NICOL1: variants seen among roughly 807,000 people sequenced by gnomAD.
NICOL1 encodes the protein NELL2 interacting cell ontogeny regulator 1.
the NICOL1 span, among the ~76,000 whole-genome samples, chr4:2,036,726 A>G: frequency 6.6e-6 from 1 of 152,160 alleles, no homozygotes; most frequent in Non-Finnish European, 1.5e-5. Context: ...GAGTCATGAA[A>G]TAAGAATATA....
At chr4:2,042,842 G>A in the NICOL1 span, 3 of 1,472,008 alleles carry the variant, frequency 2.0e-6, no homozygotes, top group Non-Finnish European at 2.7e-6. Context: ...CCCGCGGCGC[G>A]ACGGTCCTCC....
At chr4:2,042,812 C>T in the NICOL1 span, 30 of 1,497,810 alleles carry the variant, frequency 2.0e-5, no homozygotes, top group Non-Finnish European at 2.7e-5. Context: ...CAGCCTGCAG[C>T]CTGGACGCGC....
At chr4:2,038,103 G>T in the NICOL1 span, among the ~76,000 whole-genome samples, 1 of 150,242 alleles carries the variant, frequency 6.7e-6, no homozygotes, top group Non-Finnish European at 1.5e-5. Context: ...CCAAACATAT[G>T]GAAGTTTTCA....
At chr4:2,041,876 C>A in the NICOL1 span, 6 of 1,125,736 alleles carry the variant, frequency 5.3e-6, no homozygotes, top group African/African-American at 1.6e-5. Flanking sequence ...CCGGCCAGGG[C>A]CAGGCACACC....
At chr4:2,039,706 G>A in the NICOL1 span, among the ~76,000 whole-genome samples, 2 of 152,052 alleles carry the variant, frequency 1.3e-5, no homozygotes, top group Non-Finnish European at 2.9e-5. Flanking sequence ...CGGGTGTGGT[G>A]GCACGCACCT....
the NICOL1 span, among the ~76,000 whole-genome samples, chr4:2,041,042 G>C: frequency 6.6e-6 from 1 of 151,918 alleles, no homozygotes; most frequent in African/African-American, 2.4e-5. Context: ...CACGGCGAGC[G>C]GGGCGGCCTC....
chr4:2,042,543 G>C, the NICOL1 span: 2 of 454,682 alleles, frequency 4.4e-6, no homozygotes, highest in Non-Finnish European at 7.8e-6. Flanking sequence ...GGGGCGTGCG[G>C]GGCCGGGGCT....
the NICOL1 span, chr4:2,041,954 G>T: frequency 6.9e-7 from 1 of 1,452,760 alleles, no homozygotes. Context: ...CCATGACGAC[G>T]ACGTCGGATG....
At chr4:2,040,532 C>G in the NICOL1 span, among the ~76,000 whole-genome samples, 1 of 152,228 alleles carries the variant, frequency 6.6e-6, no homozygotes, top group African/African-American at 2.4e-5. Flanking sequence ...CTCCGCGGCC[C>G]CGGCAACAGC....
the NICOL1 span, among the ~76,000 whole-genome samples, chr4:2,039,320 A>G: frequency 6.6e-6 from 1 of 152,090 alleles, no homozygotes. Context: ...AGGCTGAGGC[A>G]GGAGAATCGC....
the NICOL1 span, chr4:2,042,515 G>A: frequency 9.6e-6 from 4 of 416,276 alleles, no homozygotes; most frequent in East Asian, 1.1e-4. Context: ...TCCGGGGAGC[G>A]GGGCGGGGCT....
the NICOL1 span, among the ~76,000 whole-genome samples, chr4:2,040,701 C>T: frequency 6.6e-6 from 1 of 152,212 alleles, no homozygotes; most frequent in Admixed American, 6.5e-5. Context: ...GGCCCGCAGC[C>T]CCCACCCGGC....
the NICOL1 span, among the ~76,000 whole-genome samples, chr4:2,038,606 A>G: frequency 6.6e-6 from 1 of 152,152 alleles, no homozygotes; most frequent in Non-Finnish European, 1.5e-5. Flanking sequence ...CATTCTGCAT[A>G]TACTTAAACA....
the NICOL1 span, chr4:2,042,316 G>T: frequency 6.2e-6 from 4 of 648,418 alleles, no homozygotes; most frequent in African/African-American, 5.9e-5. Context: ...CTGACCCCTC[G>T]CTGGCTTCAG....
the NICOL1 span, chr4:2,042,427 G>T: frequency 2.4e-5 from 11 of 460,030 alleles, no homozygotes; most frequent in Non-Finnish European, 3.8e-5. Context: ...GCTGAGTCTG[G>T]CGCTGCTGGG....
chr4:2,042,064 C>A, the NICOL1 span: 2 of 1,477,990 alleles, frequency 1.4e-6, no homozygotes, highest in Admixed American at 5.1e-5. Context: ...GGTCCCTGAA[C>A]CGCGGTAAGG....
chr4:2,039,808 C>T, the NICOL1 span, among the ~76,000 whole-genome samples: 1 of 151,994 alleles, frequency 6.6e-6, no homozygotes, highest in Non-Finnish European at 1.5e-5. Context: ...CCACTGCACT[C>T]CAGACTGGGT....
chr4:2,040,603 C>T, the NICOL1 span, among the ~76,000 whole-genome samples: 1 of 152,202 alleles, frequency 6.6e-6, no homozygotes, highest in South Asian at 2.1e-4. Flanking sequence ...TGCTCCCGGG[C>T]TCTTGGCTCC....
chr4:2,042,154 G>A, the NICOL1 span: 12 of 1,450,908 alleles, frequency 8.3e-6, no homozygotes, highest in Admixed American at 3.1e-4. Flanking sequence ...GAGACCGGCG[G>A]ACTGGAGTCG....
Sources: gnomAD v4.1 joint callset for allele counts (sites outside exome capture counted in the v4.1 genomes callset) on GRCh38, gnomAD v4.1.1 for gene constraint, MANE v1.5 for transcripts, NCBI Gene and HGNC (gene_info 2026-07-23, HGNC 2026-07-21) for gene names.